NPHP4: variants seen among roughly 807,000 people sequenced by gnomAD.
The protein encoded by NPHP4 is nephrocystin-4.
In NPHP4, 151 loss-of-function variants were observed where a neutral mutation model predicts 155.8. That is an observed-to-expected ratio of 0.97 (90% CI 0.85 to 1.11). The LOEUF (loss-of-function observed/expected upper bound fraction) is 1.11, where lower values mean the gene tolerates loss of function less well. Ranked by LOEUF, NPHP4 falls within the 50% of genes least tolerant of loss-of-function variation. NPHP4 has a pLI of 0.00. For missense variants in NPHP4, 1,956 were observed against 1,925.7 expected (o/e 1.02, Z -0.29); for synonymous variants, 845 against 816.8 (o/e 1.03, Z -0.59).
chr1:5,863,536 A>G lies in NPHP4; in HGVS notation c.4141-131T>C, dbSNP rs922916223. The G allele has an allele frequency of 4.3e-5, 48 of 1,105,758 alleles. No individual in the cohort carries two copies. The Admixed American group carries it at 9.3e-4, about 21-fold the overall frequency. The allele number at this position is 1,105,758 out of a possible 1,614,324, so 68.5% of individuals were successfully genotyped here. ...GCAGGGGAGCCCTGCGGGTGCATCC[A>G]AGGCCTGCCTTTGACTTCAGCGCCC... is the stretch of plus-strand genomic sequence containing the variant. On this transcript the variant is annotated intron_variant, in intron 29 of 29. Transcript: ENST00000378156.
chr1:5,888,331 G>C (rs902327211), intron 17 of NPHP4: 21 of 1,054,414 alleles, frequency 2.0e-5, no homozygotes, highest in Non-Finnish European at 2.3e-5. Flanking sequence ...CTCTTCCCCC[G>C]TGCCCTCTCT....
At position 5,863,038 on chromosome 1, in the gene NPHP4, G is replaced by A. The variant is rs577902285; in HGVS notation, c.*227C>T. ...AGCCAGACCCACCACCACGGAGTTC[G>A]CGCTCACGGAACCCAGGCCTGCTGG... On this transcript the variant is annotated 3_prime_UTR_variant, in exon 30 of 30. Transcript: ENST00000378156. 2.1e-5 allele frequency: 12 copies of A among 575,608 alleles called. No individual in the cohort carries two copies. The highest frequency in any genetic ancestry group is 4.7e-4 in the Middle Eastern group (1 of 2,124). 35.7% of individuals were successfully genotyped at this position (575,608 alleles called of 1,614,324 possible).
At chr1:5,959,039 C>T (rs1160097870) in intron 6 of NPHP4, among the ~76,000 whole-genome samples, 1 of 99,764 alleles carries the variant, frequency 1.0e-5, no homozygotes, top group Non-Finnish European at 2.0e-5. Context: ...AGAGTGGGGG[C>T]GGGGGGCGGG....
chr1:5,948,242 G>C lies in NPHP4; in HGVS notation c.820C>G (p.Pro274Ala), dbSNP rs886046467. The change falls in exon 8 of 30, where the codon CCA becomes GCA. Residue 274 changes from proline (P) to alanine (A), a missense_variant. Physicochemically the swap from Pro to Ala is conservative, Grantham distance 27. Transcript: ENST00000378156. ...ATCTCCAGGGCACCACCGTCCAGTG[G>C]GCCACATCCCTGGAAGAGGCACAGA... ...VQDHFQEGCGPLDGGALEILE... is the reference protein window; with the variant it reads ...VQDHFQEGCGALDGGALEILE... 1 of 1,569,948 alleles carries C rather than the reference G, an allele frequency of 6.4e-7. No homozygotes were observed. The highest frequency in any genetic ancestry group is 1.2e-5 in the South Asian group (1 of 86,776).
chr1:5,869,912 C>T (rs1331204497), intron 23 of NPHP4, among the ~76,000 whole-genome samples: 1 of 152,176 alleles, frequency 6.6e-6, no homozygotes, highest in Non-Finnish European at 1.5e-5. Flanking sequence ...AGAACTGCTG[C>T]AAATTCATGG....
intron 16 of NPHP4, among the ~76,000 whole-genome samples, chr1:5,904,064 C>T (rs945490588): frequency 5.3e-5 from 8 of 152,174 alleles, no homozygotes; most frequent in African/African-American, 1.9e-4. Flanking sequence ...AAACAGAATC[C>T]AGACTGTGGG....
rs1481934855 is a variant in NPHP4, at chr1:5,935,390, A to AT, written c.1120-2062dup. ...AATTCAATGAGAAAACACCCACACCATGGAAGGACATAGAATCAGAAAAGT... is the reference window on the plus strand; with the variant it reads ...AATTCAATGAGAAAACACCCACACCATTGGAAGGACATAGAATCAGAAAAGT... On this transcript the variant is annotated intron_variant, in intron 9 of 29. Coordinates refer to ENST00000378156, the MANE Select transcript of NPHP4 (RefSeq NM_015102.5). Among the ~76,000 whole-genome samples, 7 of 152,198 alleles carry AT rather than the reference A, an allele frequency of 4.6e-5. No individual in the cohort carries two copies. The East Asian group carries it at 1.3e-3, about 29-fold the overall frequency.
Position 5,863,083 on chromosome 1 carries a change from T to C in NPHP4, c.*182A>G. 1.6e-6 allele frequency: 1 copy of C among 643,590 alleles called. No homozygotes were observed. The highest frequency in any genetic ancestry group is 2.8e-6 in the Non-Finnish European group (1 of 363,088). 39.9% of individuals were successfully genotyped at this position (643,590 alleles called of 1,614,324 possible). A position where few individuals can be genotyped will look rare whatever the true frequency, so the allele number is the denominator to read the frequency against. ...TGCTGGGTGTCAGCAGCAGCTAAGCTGGATGCAGGTACTACAAAATGACCA... is the reference window on the plus strand; with the variant it reads ...TGCTGGGTGTCAGCAGCAGCTAAGCCGGATGCAGGTACTACAAAATGACCA... On this transcript the variant is annotated 3_prime_UTR_variant, in exon 30 of 30. Transcript: ENST00000378156.
chr1:5,865,397 C>G, intron 26 of NPHP4, 124 bp from the exon 27 acceptor site: 1 of 892,760 alleles, frequency 1.1e-6, no homozygotes, highest in Non-Finnish European at 1.6e-6. Context: ...CCCCAGAGGA[C>G]CAGGCCACAG....
rs200623969 is a variant in NPHP4, at chr1:5,865,178, C to T, written c.3740G>A (p.Arg1247His). Reference protein sequence around the residue: ...DVSCVAGQLTRLSLVLRGTQT... With the variant: ...DVSCVAGQLTHLSLVLRGTQT... ...TGTCCCCCGAAGGACAAGGGACAGG[C>T]GGGTCAGCTGGCCTGCGACGCAGGA... is the stretch of plus-strand genomic sequence containing the variant. The change falls in exon 27 of 30, where the codon CGC (arginine) becomes CAC (histidine). Residue 1247 changes from arginine to histidine, a missense_variant. Physicochemically the swap from Arg to His is conservative, Grantham distance 29. Transcript: ENST00000378156. The T allele has an allele frequency of 1.3e-5, 21 of 1,612,970 alleles. No homozygotes were observed. Among genetic ancestry groups the T allele is most frequent in the Middle Eastern group, 1.7e-4 (1 of 6,054 alleles).
chr1:5,983,054 T>C (rs781258173), intron 2 of NPHP4, among the ~76,000 whole-genome samples: 18 of 152,210 alleles, frequency 1.2e-4, no homozygotes, highest in Non-Finnish European at 2.4e-4. Flanking sequence ...GAAGAATGTG[T>C]ACTCTAGCTT....
chr1:5,887,537 A>C, intron 17 of NPHP4, 71 bp from the exon 18 acceptor site: 1 of 1,525,780 alleles, frequency 6.6e-7, no homozygotes, highest in East Asian at 2.3e-5. Flanking sequence ...CTGCAGGTGG[A>C]GGCTGCTCCC....
intron 3 of NPHP4, among the ~76,000 whole-genome samples, chr1:5,977,711 A>C (rs2102360727): frequency 6.7e-6 from 1 of 149,842 alleles, no homozygotes; most frequent in African/African-American, 2.5e-5. Context: ...ACCTGAGTGA[A>C]AACACGCTGC....
chr1:5,991,857 C>T (rs957089155), intron 1 of NPHP4, among the ~76,000 whole-genome samples: 7 of 147,590 alleles, frequency 4.7e-5, no homozygotes, highest in Non-Finnish European at 1.1e-4. Context: ...CGGACTAGGG[C>T]GCGGGGAGCC....
intron 18 of NPHP4, chr1:5,881,665 C>T (rs1359141996): frequency 6.6e-6 from 1 of 152,264 alleles, no homozygotes; most frequent in Non-Finnish European, 1.5e-5. Flanking sequence ...AAGAGCTTCA[C>T]TTCACAGACA....
At chr1:5,896,883 C>T (rs1215601847) in intron 16 of NPHP4, among the ~76,000 whole-genome samples, 2 of 152,078 alleles carry the variant, frequency 1.3e-5, no homozygotes, top group Non-Finnish European at 2.9e-5. Context: ...GGTGAAAGGC[C>T]GGAAGGGCTC....
rs746447264 is a variant in NPHP4 at position 5,867,127 on chromosome 1, G to A, written c.3473-12C>T. On this transcript the variant is annotated splice_polypyrimidine_tract_variant and intron_variant, in intron 24 of 29. Transcript: ENST00000378156. The surrounding 1 kb of genome is among the most constrained non-coding windows in gnomAD (Gnocchi z 4.1). ...TCCCACCGGAGCACCTGGAGCAGGG[G>A]AAATGTCAAAAAGAGTCTTCTCCAC... The A allele has an allele frequency of 2.5e-6, 4 of 1,603,678 alleles. No individual in the cohort carries two copies. Among genetic ancestry groups the A allele is most frequent in the South Asian group, 1.1e-5 (1 of 89,486 alleles).
rs931200369 is a variant in NPHP4, at chr1:5,892,319, T to A, written c.2144-1291A>T. ...AGTTGGGAGGCTGGTCAGAGGAGCC[T>A]AGACCAGGATGGCCCCGTGCCTAGC... On this transcript the variant is annotated intron_variant, in intron 16 of 29. Coordinates refer to ENST00000378156, the MANE Select transcript of NPHP4 (RefSeq NM_015102.5). This position sits in a 1 kb window ranked among gnomAD's most constrained non-coding sequence, Gnocchi z 4.5. Among the ~76,000 whole-genome samples, 11 of 152,066 alleles carry A rather than the reference T, an allele frequency of 7.2e-5. No individual in the cohort carries two copies. Among genetic ancestry groups the A allele is most frequent in the Non-Finnish European group, 1.5e-4 (10 of 67,996 alleles).
chr1:5,903,602 C>T (rs1156546256), intron 16 of NPHP4, among the ~76,000 whole-genome samples: 2 of 151,660 alleles, frequency 1.3e-5, no homozygotes, highest in Admixed American at 6.6e-5. Context: ...CAATGATACC[C>T]GAAGAAAAAA....
Sources: allele counts gnomAD v4.1 joint callset (sites outside exome capture counted in the v4.1 genomes callset), GRCh38; gene constraint gnomAD v4.1.1; non-coding constraint Gnocchi (gnomAD v3.1); transcripts MANE v1.5; gene names NCBI Gene and HGNC (gene_info 2026-07-23, HGNC 2026-07-21).